The following CSMD3 variants were observed in gnomAD, a reference collection of about 807,000 sequenced individuals.
CSMD3 encodes the protein CUB and Sushi multiple domains 3.
A neutral mutation model predicts 435.2 loss-of-function variants in CSMD3; 177 were observed. The ratio of observed to expected loss-of-function variants is 0.41; its 90% CI spans 0.36 to 0.46. The LOEUF is 0.46. Ranked by LOEUF, CSMD3 falls within the 20% of genes least tolerant of loss-of-function variation. The probability of loss-of-function intolerance (pLI) is 0.34; values close to 1 mark genes in which losing one functional copy is unlikely to be tolerated. For synonymous variants in CSMD3, 1,656 were observed against 1,520.5 expected (o/e 1.09, Z -2.07); for missense variants, 4,265 against 4,504.6 (o/e 0.95, Z 1.52).
Position 112,336,681 on chromosome 8 carries a change from T to C in CSMD3, c.6990A>G (p.Thr2330=). The C allele has an allele frequency of 6.2e-7, 1 of 1,612,392 alleles. No individual in the cohort carries two copies. Among genetic ancestry groups the C allele is most frequent in the Non-Finnish European group, 8.5e-7 (1 of 1,178,578 alleles). ...CAGTAATGAAATCATATATTGGTTCTGTTTGAAGGACAGTAAAATTGATGT... is the reference window on the plus strand; with the variant it reads ...CAGTAATGAAATCATATATTGGTTCCGTTTGAAGGACAGTAAAATTGATGT... ...GIYINFTVLQ[T]EPIYDFITVW... is the part of the protein sequence containing the mutation. Residue 2330 remains threonine, a synonymous_variant, in exon 44 of 71, where the codon ACA becomes ACG. Coordinates refer to ENST00000297405, the MANE Select transcript of CSMD3 (RefSeq NM_198123.2).
intron 11 of CSMD3, among the ~76,000 whole-genome samples, chr8:112,843,728 A>G (rs1162944654): frequency 6.6e-6 from 1 of 151,922 alleles, no homozygotes; most frequent in African/African-American, 2.4e-5. Flanking sequence ...AGGAACTACA[A>G]GGAACTGAAT....
At chr8:113,163,906 C>G (rs2131845100) in intron 4 of CSMD3, among the ~76,000 whole-genome samples, 1 of 152,110 alleles carries the variant, frequency 6.6e-6, no homozygotes, top group Non-Finnish European at 1.5e-5. Context: ...ACCTGAGAAG[C>G]TAATTTTCCT....
chr8:112,942,341 A>G (rs951885567), intron 9 of CSMD3, among the ~76,000 whole-genome samples: 3 of 151,688 alleles, frequency 2.0e-5, no homozygotes, highest in Non-Finnish European at 4.4e-5. Flanking sequence ...CTACCATTCA[A>G]CCCAGTAATA....
chr8:113,282,569 C>T (rs539444319), intron 2 of CSMD3, among the ~76,000 whole-genome samples: 1 of 152,016 alleles, frequency 6.6e-6, no homozygotes, highest in East Asian at 1.9e-4. Context: ...TAAAACACTG[C>T]TGAAAGAAAT....
chr8:112,548,356 C>T lies in CSMD3; in HGVS notation c.4564+2315G>A, dbSNP rs114959063. On this transcript the variant is annotated intron_variant, in intron 27 of 70. Transcript: ENST00000297405. Reference sequence around the variant, plus strand: ...ATTAAAATGTAGAACTCCATTGCAGCTAATAATATATAACTGAAAGCTTTC... The same window carrying T: ...ATTAAAATGTAGAACTCCATTGCAGTTAATAATATATAACTGAAAGCTTTC... 1.0e-3 allele frequency among the ~76,000 whole-genome samples: 157 copies of T among 152,202 alleles called. 1 individual carries two copies. The highest frequency in any genetic ancestry group is 3.5e-3 in the African/African-American group (146 of 41,556).
At chr8:113,366,369 A>G (rs553128937) in intron 1 of CSMD3, among the ~76,000 whole-genome samples, 1 of 151,986 alleles carries the variant, frequency 6.6e-6, no homozygotes, top group Non-Finnish European at 1.5e-5. Context: ...GAGTACCTCA[A>G]CGCTCCCCCA....
intron 36 of CSMD3, 66 bp from the exon 37 acceptor site, chr8:112,383,729 C>A: frequency 1.0e-6 from 1 of 968,166 alleles, no homozygotes; most frequent in Non-Finnish European, 1.7e-6. Context: ...TATAGTCCAC[C>A]AATCCCCCTT....
chr8:113,391,309 T>C (rs1300073752), intron 1 of CSMD3, among the ~76,000 whole-genome samples: 1 of 151,996 alleles, frequency 6.6e-6, no homozygotes, highest in Non-Finnish European at 1.5e-5. Context: ...GTTTCTCAAA[T>C]TGGTTTAGTA....
chr8:113,007,864 C>CT (rs1360624430), intron 6 of CSMD3, among the ~76,000 whole-genome samples: 1 of 151,590 alleles, frequency 6.6e-6, no homozygotes, highest in East Asian at 1.9e-4. Context: ...AATTAATATC[C>CT]TTATGGGGAA....
At chr8:112,690,157 C>CA (rs754865198) in intron 13 of CSMD3, 107 bp from the exon 14 acceptor site, 8 of 817,088 alleles carry the variant, frequency 9.8e-6, no homozygotes, top group Non-Finnish European at 1.6e-5. Flanking sequence ...TATTTCAGAA[C>CA]AAAAAATAAA....
intron 35 of CSMD3, among the ~76,000 whole-genome samples, chr8:112,391,663 G>A (rs1460022139): frequency 2.0e-5 from 3 of 150,538 alleles, no homozygotes; most frequent in Non-Finnish European, 4.4e-5. Context: ...CTGCACTCCA[G>A]CCTAGGAGAC....
chr8:112,821,216 A>G (rs1013021051), intron 12 of CSMD3, among the ~76,000 whole-genome samples: 10 of 152,192 alleles, frequency 6.6e-5, no homozygotes, highest in African/African-American at 2.2e-4. Flanking sequence ...TAGACCCTTA[A>G]GAAATCACCA....
At chr8:112,509,019 T>A (rs1334616287) in intron 28 of CSMD3, among the ~76,000 whole-genome samples, 1 of 152,184 alleles carries the variant, frequency 6.6e-6, no homozygotes, top group Admixed American at 6.5e-5. Flanking sequence ...AAAGTTATTT[T>A]TATTTTAAAT....
chr8:113,011,703 G>T (rs993900047), intron 6 of CSMD3, among the ~76,000 whole-genome samples: 1 of 151,472 alleles, frequency 6.6e-6, no homozygotes, highest in African/African-American at 2.4e-5. Context: ...ATTTAAAATC[G>T]TTCTTGATTA....
intron 2 of CSMD3, among the ~76,000 whole-genome samples, chr8:113,303,549 G>A (rs2093792090): frequency 6.7e-6 from 1 of 148,994 alleles, no homozygotes; most frequent in Non-Finnish European, 1.5e-5. Context: ...GCATGGTACT[G>A]GTACCAAAAC....
chr8:113,311,774 A>G (rs7813842), intron 2 of CSMD3: 142,158 of 152,170 alleles, frequency 0.93, 66,518 homozygotes, highest in East Asian at 1. Flanking sequence ...TATAACATTA[A>G]CTACAGTACT....
chr8:112,522,012 C>T (rs1824338758), intron 27 of CSMD3, among the ~76,000 whole-genome samples: 1 of 151,584 alleles, frequency 6.6e-6, no homozygotes, highest in Admixed American at 6.6e-5. Flanking sequence ...ATAAAATCTT[C>T]TAATTTTTAC....
intron 27 of CSMD3, among the ~76,000 whole-genome samples, chr8:112,525,013 T>C (rs145913880): frequency 9.9e-5 from 15 of 151,988 alleles, no homozygotes; most frequent in African/African-American, 3.4e-4. Flanking sequence ...TTTTAAACTG[T>C]CGGTAGCTCG....
rs568596193 is a variant in CSMD3 at position 112,443,488 on chromosome 8, C to T, written c.5395+29103G>A. On this transcript the variant is annotated intron_variant, in intron 32 of 70. Coordinates refer to ENST00000297405, the MANE Select transcript of CSMD3 (RefSeq NM_198123.2). ...CTATCTCAACAGTTCTGAAAATGTC[C>T]ACAAGAAAAGAGTAAAATATTTATC... 2.6e-5 allele frequency among the ~76,000 whole-genome samples: 4 copies of T among 152,090 alleles called. No individual in the cohort carries two copies. In the East Asian group the frequency reaches 7.7e-4, roughly 29 times the overall value.
Sources: gnomAD v4.1 joint callset for allele counts (sites outside exome capture counted in the v4.1 genomes callset) on GRCh38, gnomAD v4.1.1 for gene constraint, MANE v1.5 for transcripts, NCBI Gene and HGNC (gene_info 2026-07-23, HGNC 2026-07-21) for gene names.